Variants in RORB observed in about 807,000 individuals in gnomAD.
RORB encodes nuclear receptor ROR-beta.
A neutral mutation model predicts 59.1 loss-of-function variants in RORB; 6 were observed. That is an observed-to-expected ratio of 0.10 (90% CI 0.06 to 0.20). RORB has a LOEUF of 0.20. Ranked by LOEUF, RORB falls within the 10% of genes least tolerant of loss-of-function variation. The probability of loss-of-function intolerance (pLI) is 1.00; values close to 1 mark genes in which losing one functional copy is unlikely to be tolerated. For missense variants in RORB, 320 were observed against 560.5 expected (o/e 0.57, Z 4.33); for synonymous variants, 215 against 204.5 (o/e 1.05, Z -0.44).
intron 1 of RORB, among the ~76,000 whole-genome samples, chr9:74,627,287 C>T (rs751714493): frequency 3.3e-5 from 5 of 152,066 alleles, no homozygotes; most frequent in Non-Finnish European, 7.4e-5. Flanking sequence ...TCATAAACCT[C>T]GGATGATTTA....
At chr9:74,639,549 GAAGA>G (rs1823761090) in intron 3 of RORB, among the ~76,000 whole-genome samples, 1 of 151,218 alleles carries the variant, frequency 6.6e-6, no homozygotes, top group South Asian at 2.1e-4. Flanking sequence ...TTTTGTGTTG[GAAGA>G]GTTTCTTATT....
chr9:74,630,229 G>A (rs1823593641), intron 1 of RORB, 53 bp from the exon 2 acceptor site: 6 of 1,600,560 alleles, frequency 3.7e-6, no homozygotes, highest in Non-Finnish European at 5.1e-6. Flanking sequence ...TAGGAAGAGT[G>A]AAAGGAGAAA....
intron 1 of RORB, chr9:74,498,996 C>A: frequency 6.5e-6 from 1 of 152,674 alleles, no homozygotes; most frequent in South Asian, 2.0e-4. Context: ...CTCAGGTTTC[C>A]TTCGCGCTGT....
chr9:74,547,655 G>A (rs1826521836), intron 1 of RORB, among the ~76,000 whole-genome samples: 1 of 152,178 alleles, frequency 6.6e-6, no homozygotes, highest in Non-Finnish European at 1.5e-5. Context: ...CCTGTGCAAA[G>A]GCCCTGAGGT....
rs549662709 is a variant in RORB, at chr9:74,628,256, T to A, written c.8-2026T>A. Among the ~76,000 whole-genome samples, 3 of 152,092 alleles carry A rather than the reference T, an allele frequency of 2.0e-5. No individual in the cohort carries two copies. In the East Asian group the frequency reaches 5.8e-4, roughly 29 times the overall value. ...TAAAATAAAAAGAAATGAATAGAAA[T>A]GTATACTTAGTCTCATAAGTATTTT... On this transcript the variant is annotated intron_variant, in intron 1 of 9. Transcript: ENST00000376896.
At chr9:74,543,203 G>T (rs1826435571) in intron 1 of RORB, among the ~76,000 whole-genome samples, 1 of 152,132 alleles carries the variant, frequency 6.6e-6, no homozygotes, top group African/African-American at 2.4e-5. Context: ...GAGCTTGGTA[G>T]GAGCCAGCAT....
Position 74,685,706 on chromosome 9 carries a change from A to C in RORB, c.*88A>C, listed in dbSNP as rs1376886994. On this transcript the variant is annotated 3_prime_UTR_variant, in exon 10 of 10. Coordinates refer to ENST00000376896, the MANE Select transcript of RORB (RefSeq NM_006914.4). ...TTCATGAAGACTTAAGAAAAATGTC[A>C]CTACTGCAACATTAGGAATGTCCTG... 1.0e-6 allele frequency: 1 copy of C among 984,196 alleles called. No homozygotes were observed. The highest frequency in any genetic ancestry group is 2.6e-5 in the East Asian group (1 of 39,082). The allele number at this position is 984,196 out of a possible 1,614,324, so 61.0% of individuals were successfully genotyped here.
chr9:74,668,414 G>A (rs1359853429), intron 8 of RORB, among the ~76,000 whole-genome samples: 3 of 152,110 alleles, frequency 2.0e-5, no homozygotes, highest in Non-Finnish European at 4.4e-5. Context: ...TATTTTCTTA[G>A]CAATACATTT....
intron 1 of RORB, among the ~76,000 whole-genome samples, chr9:74,622,350 A>G (rs1587389835): frequency 1.3e-5 from 2 of 152,166 alleles, no homozygotes; most frequent in South Asian, 4.1e-4. Flanking sequence ...AGTAGAGTAC[A>G]TGTCTTCATA....
intron 9 of RORB, among the ~76,000 whole-genome samples, chr9:74,684,020 G>A (rs534221543): frequency 4.6e-5 from 7 of 152,116 alleles, no homozygotes; most frequent in Non-Finnish European, 7.4e-5. Context: ...CAAAGATTCC[G>A]CATTTTTCAT....
In RORB at chr9:74,536,229, G is replaced by A. The variant is rs372980932; in HGVS notation, c.7+38246G>A. Among the ~76,000 whole-genome samples, 4 of 151,948 alleles carry A rather than the reference G, an allele frequency of 2.6e-5. No individual in the cohort carries two copies. The East Asian group carries it at 5.8e-4, about 22-fold the overall frequency. On this transcript the variant is annotated intron_variant, in intron 1 of 9. Coordinates refer to ENST00000376896, the MANE Select transcript of RORB (RefSeq NM_006914.4). ...AGGAGTCAGTTGCTATACTTACTGT[G>A]CTAAAAAAGGGCGGGGGCTAAAATA... is the stretch of plus-strand genomic sequence containing the variant.
chr9:74,653,284 A>G (rs1232490765), intron 4 of RORB, among the ~76,000 whole-genome samples: 1 of 152,208 alleles, frequency 6.6e-6, no homozygotes, highest in Non-Finnish European at 1.5e-5. Flanking sequence ...CCATAGAGAT[A>G]TCCTGCCACT....
intron 1 of RORB, among the ~76,000 whole-genome samples, chr9:74,543,051 A>T (rs1305529551): frequency 6.6e-6 from 1 of 152,226 alleles, no homozygotes; most frequent in African/African-American, 2.4e-5. Flanking sequence ...TACTTAGCAC[A>T]TGTTCATTAC....
chr9:74,685,801 T>C lies in RORB; in HGVS notation c.*183T>C. ...AATATGCACCTGAGTGGGGCTCTTT[T>C]ATTTGTTTGTTTGTTTTTGAAATGA... is the stretch of plus-strand genomic sequence containing the variant. On this transcript the variant is annotated 3_prime_UTR_variant, in exon 10 of 10. Transcript: ENST00000376896. 2.5e-6 allele frequency: 1 copy of C among 406,254 alleles called. No homozygotes were observed. The highest frequency in any genetic ancestry group is 4.3e-6 in the Non-Finnish European group (1 of 233,526). The allele number at this position is 406,254 out of a possible 1,614,324, so 25.2% of individuals were successfully genotyped here.
At chr9:74,666,984 A>G (rs1328790774) in intron 7 of RORB, among the ~76,000 whole-genome samples, 1 of 152,202 alleles carries the variant, frequency 6.6e-6, no homozygotes, top group Non-Finnish European at 1.5e-5. Context: ...GTTAGTTGAT[A>G]TGGCAGCCAA....
intron 1 of RORB, among the ~76,000 whole-genome samples, chr9:74,522,588 C>T (rs1263901205): frequency 6.6e-6 from 1 of 151,778 alleles, no homozygotes; most frequent in African/African-American, 2.4e-5. Flanking sequence ...AAGGGTAAAG[C>T]CCAATTCTTT....
At position 74,497,934 on chromosome 9, in the gene RORB, G is replaced by C. The variant is rs1335016160; in HGVS notation, c.-43G>C. The C allele has an allele frequency of 3.7e-6, 6 of 1,609,688 alleles. No homozygotes were observed. Among genetic ancestry groups the C allele is most frequent in the Non-Finnish European group, 5.1e-6 (6 of 1,178,282 alleles). ...TTTGGGCTCTCCGGGGTTCGGGCTG[G>C]GAGCAGCTTCATGACTACGCGGAGC... On this transcript the variant is annotated 5_prime_UTR_variant, in exon 1 of 10. Coordinates refer to ENST00000376896, the MANE Select transcript of RORB (RefSeq NM_006914.4).
chr9:74,618,998 CAT>C (rs1823362314), intron 1 of RORB, among the ~76,000 whole-genome samples: 1 of 152,140 alleles, frequency 6.6e-6, no homozygotes, highest in African/African-American at 2.4e-5. Flanking sequence ...GTGGCAATTT[CAT>C]ATGATTCGAC....
At chr9:74,521,656 T>C (rs569483649) in intron 1 of RORB, among the ~76,000 whole-genome samples, 9 of 151,956 alleles carry the variant, frequency 5.9e-5, no homozygotes, top group East Asian at 3.9e-4. Flanking sequence ...GGAAAACTTA[T>C]TGAGCAAGTG....
Sources: gnomAD v4.1 joint callset for allele counts (sites outside exome capture counted in the v4.1 genomes callset) on GRCh38, gnomAD v4.1.1 for gene constraint, MANE v1.5 for transcripts, NCBI Gene and HGNC (gene_info 2026-07-23, HGNC 2026-07-21) for gene names.